Variants in PTPRN2 observed in about 807,000 individuals in gnomAD.
PTPRN2 encodes receptor-type tyrosine-protein phosphatase N2.
PTPRN2 carries 74 observed loss-of-function variants against 118.8 expected under a neutral mutation model. The ratio of observed to expected loss-of-function variants is 0.62; its 90% CI spans 0.52 to 0.76. The LOEUF is 0.76. Among genes scored for constraint, PTPRN2 ranks in the 30% least tolerant of loss-of-function variants. PTPRN2 has a pLI of 0.00. For synonymous variants in PTPRN2, 641 were observed against 608.0 expected (o/e 1.05, Z -0.80); for missense variants, 1,481 against 1,394.4 (o/e 1.06, Z -0.99).
At chr7:158,159,850 T>C (rs1366322518) in intron 6 of PTPRN2, among the ~76,000 whole-genome samples, 1 of 152,240 alleles carries the variant, frequency 6.6e-6, no homozygotes, top group Non-Finnish European at 1.5e-5. Flanking sequence ...AGCGTATAAA[T>C]ATTACATGCT....
chr7:158,144,872 C>G (rs1428261949), intron 6 of PTPRN2, among the ~76,000 whole-genome samples: 1 of 152,202 alleles, frequency 6.6e-6, no homozygotes, highest in African/African-American at 2.4e-5. Flanking sequence ...CCTCTCAAAC[C>G]CACACAGAGG....
In PTPRN2 at chr7:157,964,175, G is replaced by C. The variant is rs1801737811; in HGVS notation, c.1724-65438C>G. Among the ~76,000 whole-genome samples, 1 of 152,150 alleles carries C rather than the reference G, an allele frequency of 6.6e-6. No individual in the cohort carries two copies. The highest frequency in any genetic ancestry group is 2.4e-5 in the African/African-American group (1 of 41,430). On this transcript the variant is annotated intron_variant, in intron 11 of 22. Coordinates refer to ENST00000389418, the MANE Select transcript of PTPRN2 (RefSeq NM_002847.5). This position sits in a 1 kb window ranked among gnomAD's most constrained non-coding sequence, Gnocchi z 9.0. ...CACACCATGGGGACAGCTGGGTGGG[G>C]TAGTGTTGAGTTCTGGTCCTGGTCC...
intron 2 of PTPRN2, among the ~76,000 whole-genome samples, chr7:158,461,959 T>C (rs1259556514): frequency 4.5e-5 from 1 of 22,116 alleles, no homozygotes; most frequent in Non-Finnish European, 1.0e-4. Context: ...AGAGAATCCC[T>C]GCCTTGCTGC....
At chr7:157,696,765 G>A (rs1257368764) in intron 12 of PTPRN2, among the ~76,000 whole-genome samples, 7 of 146,742 alleles carry the variant, frequency 4.8e-5, no homozygotes, top group African/African-American at 2.5e-5. Flanking sequence ...TCTTGGCAGA[G>A]CCCTCACCAT....
chr7:158,121,001 C>A (rs1314577284), intron 9 of PTPRN2, among the ~76,000 whole-genome samples: 1 of 152,206 alleles, frequency 6.6e-6, no homozygotes, highest in Non-Finnish European at 1.5e-5. Context: ...AAGCCAAACC[C>A]TCCTGGCAGG....
intron 12 of PTPRN2, among the ~76,000 whole-genome samples, chr7:157,751,227 A>T (rs1357931094): frequency 1.3e-5 from 2 of 152,124 alleles, no homozygotes; most frequent in Non-Finnish European, 2.9e-5. Context: ...AAGCTCGTGG[A>T]TGGGGGGCAC....
intron 21 of PTPRN2, among the ~76,000 whole-genome samples, chr7:157,557,322 T>C (rs2150483463): frequency 6.6e-6 from 1 of 151,006 alleles, no homozygotes; most frequent in Non-Finnish European, 1.5e-5. Flanking sequence ...TCTCACACAA[T>C]ACACCCCACA....
intron 13 of PTPRN2, among the ~76,000 whole-genome samples, chr7:157,659,344 CGGGGATGGGGGGGGACGACTGT>C (rs1282014522): frequency 1.8e-5 from 1 of 55,394 alleles, no homozygotes; most frequent in Admixed American, 3.0e-4. Context: ...GGGACGACTG[CGGGGATGGGGGGGGACGACTGT>C]GGGGAAGGGG....
intron 2 of PTPRN2, among the ~76,000 whole-genome samples, chr7:158,327,271 G>GTGCTCACACA (rs571848020): frequency 6.9e-6 from 1 of 144,678 alleles, no homozygotes; most frequent in Non-Finnish European, 1.5e-5. Context: ...ATGCACACAC[G>GTGCTCACACA]TGCTCACACA....
Position 157,598,217 on chromosome 7 carries a change from G to A in PTPRN2, c.2419-2902C>T, listed in dbSNP as rs551638103. 3.9e-4 allele frequency among the ~76,000 whole-genome samples: 60 copies of A among 152,298 alleles called. No homozygotes were observed. Among genetic ancestry groups the A allele is most frequent in the Non-Finnish European group, 7.6e-4 (52 of 68,024 alleles). On this transcript the variant is annotated intron_variant, in intron 16 of 22. Coordinates refer to ENST00000389418, the MANE Select transcript of PTPRN2 (RefSeq NM_002847.5). The surrounding 1 kb of genome is among the most constrained non-coding windows in gnomAD (Gnocchi z 5.2). ...TGTCTTCCCCACCCAGCGATCACAC[G>A]GCACCTACTCTGGCTTCCTCCGGTC...
At chr7:158,156,260 A>G (rs150765193) in intron 6 of PTPRN2, among the ~76,000 whole-genome samples, 1 of 152,272 alleles carries the variant, frequency 6.6e-6, no homozygotes, top group East Asian at 1.9e-4. Context: ...AGAAAAAAAT[A>G]TATCCAATTA....
intron 15 of PTPRN2, among the ~76,000 whole-genome samples, chr7:157,614,969 A>G (rs1374765625): frequency 6.6e-6 from 1 of 152,082 alleles, no homozygotes; most frequent in Admixed American, 6.5e-5. Context: ...GCACTGAGGG[A>G]TTGTTGTTAA....
rs879754154 is a variant in PTPRN2 at position 157,595,490 on chromosome 7, AGCCTGGTGTTT to A, written c.2419-186_2419-176del. On this transcript the variant is annotated intron_variant, in intron 16 of 22. Transcript: ENST00000389418. ...GGGTTAGGAAGCCAGGAGGTTAGGA[AGCCTGGTGTTT>A]AGGAAGCCCGGAGGTTAGGAAGCCA... Among the ~76,000 whole-genome samples the A allele has an allele frequency of 9.0e-3, 1,321 of 146,852 alleles. 23 individuals are homozygous for A. The highest frequency in any genetic ancestry group is 0.017 in the Middle Eastern group (5 of 294).
At position 158,167,337 on chromosome 7, in the gene PTPRN2, G is replaced by A. The variant is rs77448247; in HGVS notation, c.550-46C>T. On this transcript the variant is annotated intron_variant, in intron 5 of 22. Coordinates refer to ENST00000389418, the MANE Select transcript of PTPRN2 (RefSeq NM_002847.5). ...ACAGAGCAAGAGTCACATTTCCATC[G>A]TCAGCTGGGGGCACCAAGATGCCCT... 2,160 of 1,529,334 alleles carry A rather than the reference G, an allele frequency of 1.4e-3. 20 individuals are homozygous for A. The African/African-American group carries it at 0.021, about 15-fold the overall frequency. 94.7% of individuals were successfully genotyped at this position (1,529,334 alleles called of 1,614,324 possible).
intron 12 of PTPRN2, among the ~76,000 whole-genome samples, chr7:157,723,417 C>G (rs1277148378): frequency 6.6e-6 from 1 of 152,206 alleles, no homozygotes; most frequent in Non-Finnish European, 1.5e-5. Flanking sequence ...TCTCCCTGAA[C>G]CAGCTTCTAC....
intron 2 of PTPRN2, among the ~76,000 whole-genome samples, chr7:158,488,184 C>G (rs951303872): frequency 5.9e-5 from 9 of 152,256 alleles, no homozygotes; most frequent in Non-Finnish European, 8.8e-5. Flanking sequence ...TGAGTCCAGG[C>G]AGACGACGTA....
intron 3 of PTPRN2, among the ~76,000 whole-genome samples, chr7:158,284,889 T>C (rs184700311): frequency 6.6e-6 from 1 of 152,354 alleles, no homozygotes; most frequent in African/African-American, 2.4e-5. Flanking sequence ...TCAATATGCC[T>C]GGCCTGGCTG....
intron 3 of PTPRN2, among the ~76,000 whole-genome samples, chr7:158,206,839 G>T (rs1443963970): frequency 1.3e-4 from 19 of 150,134 alleles, no homozygotes; most frequent in Admixed American, 1.3e-3. Context: ...TTAAGTTTTA[G>T]GGTACATGTG....
chr7:158,077,694 TC>T (rs1812485764), intron 11 of PTPRN2, among the ~76,000 whole-genome samples: 1 of 151,960 alleles, frequency 6.6e-6, no homozygotes, highest in Non-Finnish European at 1.5e-5. Context: ...GGCAATAAGC[TC>T]ATAAACCACA....
Sources: gnomAD v4.1 joint callset for allele counts (sites outside exome capture counted in the v4.1 genomes callset) on GRCh38, gnomAD v4.1.1 for gene constraint, Gnocchi (gnomAD v3.1) non-coding constraint, MANE v1.5 for transcripts, NCBI Gene and HGNC (gene_info 2026-07-23, HGNC 2026-07-21) for gene names.